Variants in PDE1A observed in about 807,000 individuals in gnomAD.
PDE1A encodes dual specificity calcium/calmodulin-dependent 3',5'-cyclic nucleotide phosphodiesterase 1A.
In PDE1A, 35 loss-of-function variants were observed where a neutral mutation model predicts 61.7. The ratio of observed to expected loss-of-function variants is 0.57; its 90% CI spans 0.43 to 0.75. The LOEUF is 0.75. Ranked by LOEUF, PDE1A falls within the 30% of genes least tolerant of loss-of-function variation. PDE1A has a pLI of 0.00. For synonymous variants in PDE1A, 232 were observed against 213.2 expected (o/e 1.09, Z -0.77); for missense variants, 597 against 630.6 (o/e 0.95, Z 0.57).
the PDE1A span, among the ~76,000 whole-genome samples, chr2:182,529,564 G>A: frequency 3.3e-5 from 5 of 152,336 alleles, no homozygotes; most frequent in Non-Finnish European, 5.9e-5. Flanking sequence ...GAGAAGGCAT[G>A]ATTGATTTTG....
chr2:182,277,815 A>T (rs1248981932), intron 1 of PDE1A, among the ~76,000 whole-genome samples: 1 of 151,940 alleles, frequency 6.6e-6, no homozygotes, highest in East Asian at 1.9e-4. Context: ...TTTCAGATGG[A>T]ATTAAACTGC....
At chr2:182,599,584 T>G in the PDE1A span, among the ~76,000 whole-genome samples, 1 of 152,208 alleles carries the variant, frequency 6.6e-6, no homozygotes, top group African/African-American at 2.4e-5. Flanking sequence ...TGTTATTATT[T>G]CTTATGTATG....
chr2:182,402,206 C>T (rs147982955), intron 1 of PDE1A, among the ~76,000 whole-genome samples: 170 of 152,134 alleles, frequency 1.1e-3, no homozygotes, highest in African/African-American at 3.8e-3. Flanking sequence ...AAAAACAGCC[C>T]GCATAGCAAA....
intron 2 of PDE1A, among the ~76,000 whole-genome samples, chr2:182,501,007 G>A (rs887398939): frequency 6.6e-6 from 1 of 152,126 alleles, no homozygotes; most frequent in Non-Finnish European, 1.5e-5. Context: ...CAACCAAAAC[G>A]AACTTCAGTC....
downstream of PDE1A, chr2:182,142,417 A>G (rs551903050): frequency 3.3e-5 from 5 of 152,326 alleles, no homozygotes; most frequent in Middle Eastern, 0.014. Context: ...ATTTCCCAGT[A>G]TGAGAGTTTA....
At chr2:182,450,138 C>T (rs184229568) in intron 2 of PDE1A, among the ~76,000 whole-genome samples, 1 of 152,178 alleles carries the variant, frequency 6.6e-6, no homozygotes, top group East Asian at 1.9e-4. Flanking sequence ...TTTTAATCAT[C>T]ATCATCATCA....
the PDE1A span, among the ~76,000 whole-genome samples, chr2:182,531,968 T>G: frequency 6.6e-6 from 1 of 152,192 alleles, no homozygotes; most frequent in Non-Finnish European, 1.5e-5. Flanking sequence ...TCTGTTCTTG[T>G]GACAGTTTGC....
At chr2:182,230,112 G>C (rs751949380) in exon 6 of PDE1A, 1 of 1,612,782 alleles carries the variant, frequency 6.2e-7, no homozygotes, top group Non-Finnish European at 8.5e-7. Flanking sequence ...AACTTCTAAA[G>C]CTTCTGCAAA....
intron 1 of PDE1A, among the ~76,000 whole-genome samples, chr2:182,365,977 G>A (rs1024821972): frequency 3.3e-5 from 5 of 151,716 alleles, no homozygotes; most frequent in Non-Finnish European, 4.4e-5. Flanking sequence ...GATGCTAAAA[G>A]GAGTGCAACG....
At chr2:182,705,482 T>C in the PDE1A span, among the ~76,000 whole-genome samples, 1 of 152,114 alleles carries the variant, frequency 6.6e-6, no homozygotes, top group Non-Finnish European at 1.5e-5. Context: ...GGGCTATAAA[T>C]TAATCTTCAT....
chr2:182,662,680 A>C, the PDE1A span, among the ~76,000 whole-genome samples: 1 of 152,196 alleles, frequency 6.6e-6, no homozygotes, highest in Non-Finnish European at 1.5e-5. Context: ...CATATACAAA[A>C]ATCAACTCAA....
the PDE1A span, among the ~76,000 whole-genome samples, chr2:182,617,664 CACA>C: frequency 1.3e-5 from 2 of 152,212 alleles, no homozygotes; most frequent in African/African-American, 4.8e-5. Flanking sequence ...CTCTGAAGAA[CACA>C]ACAACTGCCA....
the PDE1A span, chr2:182,716,357 G>T: frequency 6.6e-6 from 1 of 152,300 alleles, no homozygotes; most frequent in South Asian, 2.1e-4. Flanking sequence ...CGTGCGCCGC[G>T]GCTGGGCCGT....
the PDE1A span, among the ~76,000 whole-genome samples, chr2:182,709,535 T>C: frequency 1.3e-5 from 2 of 152,204 alleles, no homozygotes; most frequent in Admixed American, 6.5e-5. Flanking sequence ...AATTATAATA[T>C]ATTGTGATAA....
intron 1 of PDE1A, among the ~76,000 whole-genome samples, chr2:182,390,769 G>GT (rs1701375837): frequency 6.6e-6 from 1 of 152,214 alleles, no homozygotes; most frequent in African/African-American, 2.4e-5. Flanking sequence ...GAATGGGGAT[G>GT]TGTGGGAAGA....
At chr2:182,544,094 C>T in the PDE1A span, among the ~76,000 whole-genome samples, 1 of 152,112 alleles carries the variant, frequency 6.6e-6, no homozygotes, top group Non-Finnish European at 1.5e-5. Flanking sequence ...AAAAAGAATC[C>T]TAACCTTCTT....
chr2:182,353,213 G>A (rs1698990560), intron 1 of PDE1A, among the ~76,000 whole-genome samples: 2 of 152,134 alleles, frequency 1.3e-5, no homozygotes, highest in South Asian at 4.1e-4. Context: ...AAATTAATCT[G>A]CTAATTGATT....
the PDE1A span, among the ~76,000 whole-genome samples, chr2:182,701,265 G>C: frequency 6.6e-6 from 1 of 152,006 alleles, no homozygotes; most frequent in Non-Finnish European, 1.5e-5. Flanking sequence ...TCGATCTCCT[G>C]ACCTCGTGAT....
chr2:182,630,596 T>C, the PDE1A span, among the ~76,000 whole-genome samples: 1 of 152,218 alleles, frequency 6.6e-6, no homozygotes, highest in African/African-American at 2.4e-5. Flanking sequence ...ATTTATTCCT[T>C]CATGAAAATT....
Sources: allele counts gnomAD v4.1 joint callset (sites outside exome capture counted in the v4.1 genomes callset), GRCh38; gene constraint gnomAD v4.1.1; transcripts MANE v1.5; gene names NCBI Gene and HGNC (gene_info 2026-07-23, HGNC 2026-07-21).